Variants in HSPBAP1 observed in about 807,000 individuals in gnomAD.
HSPBAP1 encodes HSPB1 associated protein 1, also known as HSPB1-associated protein 1.
Under a neutral mutation model 45.2 loss-of-function variants are expected in HSPBAP1, and 27 were observed. The ratio of observed to expected loss-of-function variants is 0.60; its 90% CI spans 0.44 to 0.82. HSPBAP1 has a LOEUF of 0.82. Among genes scored for constraint, HSPBAP1 ranks in the 40% least tolerant of loss-of-function variants. HSPBAP1 has a pLI of 0.00. For missense variants in HSPBAP1, 510 were observed against 590.9 expected (o/e 0.86, Z 1.42); for synonymous variants, 204 against 202.7 (o/e 1.01, Z -0.06).
At chr3:122,753,259 T>A (rs553587000) in intron 5 of HSPBAP1, 3 of 240,168 alleles carry the variant, frequency 1.2e-5, no homozygotes, top group South Asian at 3.1e-4. Flanking sequence ...AATGAGGACA[T>A]GCCAGGAAGG....
At position 122,755,083 on chromosome 3, in the gene HSPBAP1, A is replaced by G. The variant is rs186661015; in HGVS notation, c.741+177T>C. 283 of 1,224,944 alleles carry G rather than the reference A, an allele frequency of 2.3e-4. 1 individual carries two copies. Among genetic ancestry groups the G allele is most frequent in the Admixed American group, 1.1e-3 (27 of 23,494 alleles). The allele number at this position is 1,224,944 out of a possible 1,614,324, so 75.9% of individuals were successfully genotyped here. Reference sequence around the variant, plus strand: ...TTCCTTTCCAGGACCTGTGAAGCAGAGGTGTATGTGTCTGAAGCCTACAAC... The same window carrying G: ...TTCCTTTCCAGGACCTGTGAAGCAGGGGTGTATGTGTCTGAAGCCTACAAC... On this transcript the variant is annotated intron_variant, in intron 5 of 7. Coordinates refer to ENST00000306103, the MANE Select transcript of HSPBAP1 (RefSeq NM_024610.6).
Position 122,755,009 on chromosome 3 carries a change from G to A in HSPBAP1, c.741+251C>T, listed in dbSNP as rs966950085. 2.6e-6 allele frequency: 3 copies of A among 1,162,638 alleles called. No homozygotes were observed. In the African/African-American group the frequency reaches 4.8e-5, roughly 18 times the overall value. 72.0% of individuals were successfully genotyped at this position (1,162,638 alleles called of 1,614,324 possible). Reference sequence around the variant, plus strand: ...CTCTTGTAGACTGTCTTCCTCCAAAGTCCATTCTCCTCTTTACCAATAGGA... The same window carrying A: ...CTCTTGTAGACTGTCTTCCTCCAAAATCCATTCTCCTCTTTACCAATAGGA... On this transcript the variant is annotated intron_variant, in intron 5 of 7. Transcript: ENST00000306103.
At chr3:122,761,586 G>A (rs990315960) in intron 3 of HSPBAP1, 5 of 149,298 alleles carry the variant, frequency 3.3e-5, no homozygotes, top group African/African-American at 1.2e-4. Flanking sequence ...CGTGGGCAAT[G>A]TTTGGTGAGG....
At chr3:122,759,140 C>A in intron 4 of HSPBAP1, 84 bp downstream of exon 4, 5 of 1,495,992 alleles carry the variant, frequency 3.3e-6, no homozygotes, top group Non-Finnish European at 3.6e-6. Context: ...GGGGTATTGC[C>A]CTATTCTCTC....
Position 122,740,719 on chromosome 3 carries a change from T to A in HSPBAP1, c.1093A>T (p.Met365Leu). 1 of 1,614,148 alleles carries A rather than the reference T, an allele frequency of 6.2e-7. No individual in the cohort carries two copies. Among genetic ancestry groups the A allele is most frequent in the Non-Finnish European group, 8.5e-7 (1 of 1,180,038 alleles). ...KKEELNVCNH[M>L]EVGQTGSQNL... Reference sequence around the variant, plus strand: ...TGGCTACCTGTTTGGCCCACCTCCATGTGGTTGCACACATTTAATTCTTCC... The same window carrying A: ...TGGCTACCTGTTTGGCCCACCTCCAAGTGGTTGCACACATTTAATTCTTCC... The change falls in exon 8 of 8, where the codon ATG becomes TTG. Residue 365 changes from methionine (M) to leucine (L), a missense_variant. Coordinates refer to ENST00000306103, the MANE Select transcript of HSPBAP1 (RefSeq NM_024610.6).
intron 6 of HSPBAP1, 101 bp downstream of exon 6, chr3:122,752,490 A>T: frequency 1.6e-6 from 1 of 639,646 alleles, no homozygotes; most frequent in Admixed American, 3.5e-5. Context: ...AGCATTGGTT[A>T]AAAAAAATTA....
chr3:122,785,009 C>T (rs886746264), intron 1 of HSPBAP1, among the ~76,000 whole-genome samples: 1 of 152,216 alleles, frequency 6.6e-6, no homozygotes, highest in South Asian at 2.1e-4. Context: ...TGTCAGAGGA[C>T]TGGAACCAGA....
intron 2 of HSPBAP1, among the ~76,000 whole-genome samples, chr3:122,773,422 G>A (rs933902114): frequency 3.5e-5 from 5 of 144,184 alleles, no homozygotes; most frequent in South Asian, 2.3e-4. Flanking sequence ...CGAGTCTCAC[G>A]CCTCACCTCC....
chr3:122,775,437 A>G (rs912830723), intron 2 of HSPBAP1, among the ~76,000 whole-genome samples: 7 of 152,166 alleles, frequency 4.6e-5, no homozygotes, highest in African/African-American at 1.4e-4. Flanking sequence ...CAAAACTATA[A>G]TAATACTTCC....
chr3:122,763,174 C>A (rs1374467771), intron 3 of HSPBAP1, among the ~76,000 whole-genome samples: 1 of 152,100 alleles, frequency 6.6e-6, no homozygotes, highest in East Asian at 1.9e-4. Flanking sequence ...TTAGTGTTAG[C>A]ATGAAAAAGG....
intron 5 of HSPBAP1, chr3:122,754,993 A>G: frequency 8.9e-7 from 1 of 1,128,550 alleles, no homozygotes; most frequent in Non-Finnish European, 1.1e-6. Context: ...ACTCTTGTAG[A>G]CTGTCTTCCT....
chr3:122,769,118 C>A (rs1172876208), intron 2 of HSPBAP1, among the ~76,000 whole-genome samples: 1 of 151,394 alleles, frequency 6.6e-6, no homozygotes, highest in African/African-American at 2.4e-5. Context: ...AGAGCAAAAC[C>A]CCATCTCCAA....
intron 1 of HSPBAP1, among the ~76,000 whole-genome samples, chr3:122,779,887 A>G (rs1253560767): frequency 2.0e-5 from 3 of 152,002 alleles, no homozygotes; most frequent in African/African-American, 7.2e-5. Context: ...AACAAAATGA[A>G]AAGTCTCCCA....
intron 2 of HSPBAP1, among the ~76,000 whole-genome samples, chr3:122,777,244 T>C (rs1935217284): frequency 6.6e-6 from 1 of 152,112 alleles, no homozygotes; most frequent in African/African-American, 2.4e-5. Context: ...AGTCAGTCAA[T>C]AAAGCAGAGG....
At chr3:122,761,622 T>TG (rs1350722041) in intron 3 of HSPBAP1, 1 of 150,552 alleles carries the variant, frequency 6.6e-6, no homozygotes, top group Non-Finnish European at 1.5e-5. Context: ...AAGGTTTTTT[T>TG]TTTTTTTTTA....
chr3:122,772,439 A>G (rs1039566264), intron 2 of HSPBAP1, among the ~76,000 whole-genome samples: 1 of 152,200 alleles, frequency 6.6e-6, no homozygotes, highest in African/African-American at 2.4e-5. Context: ...CTGGCCCCCA[A>G]ACTGGTAGCT....
intron 2 of HSPBAP1, among the ~76,000 whole-genome samples, chr3:122,775,719 A>C (rs1935172062): frequency 6.6e-6 from 1 of 152,234 alleles, no homozygotes; most frequent in Non-Finnish European, 1.5e-5. Context: ...CTGCTTTGGA[A>C]AACGGTTTCT....
At chr3:122,789,298 C>G (rs536674283) in intron 1 of HSPBAP1, among the ~76,000 whole-genome samples, 1 of 152,274 alleles carries the variant, frequency 6.6e-6, no homozygotes, top group South Asian at 2.1e-4. Flanking sequence ...TCCTCTTTAT[C>G]AAGGAATAAT....
At chr3:122,783,413 A>T (rs1229840681) in intron 1 of HSPBAP1, among the ~76,000 whole-genome samples, 8 of 152,070 alleles carry the variant, frequency 5.3e-5, no homozygotes, top group Non-Finnish European at 1.2e-4. Flanking sequence ...GAACACCCAC[A>T]TTTTTTTATT....
Sources: allele counts gnomAD v4.1 joint callset (sites outside exome capture counted in the v4.1 genomes callset), GRCh38; gene constraint gnomAD v4.1.1; transcripts MANE v1.5; gene names NCBI Gene and HGNC (gene_info 2026-07-23, HGNC 2026-07-21).